Variants in NPIPA5 observed in about 807,000 individuals in gnomAD.
NPIPA5 encodes nuclear pore complex interacting protein family member A5, also known as nuclear pore complex-interacting protein family member A5.
In NPIPA5, 6 loss-of-function variants were observed where a neutral mutation model predicts 21.4. The ratio of observed to expected loss-of-function variants is 0.28; its 90% CI spans 0.15 to 0.55. The LOEUF (loss-of-function observed/expected upper bound fraction) is 0.55. Ranked by LOEUF, NPIPA5 falls within the 20% of genes least tolerant of loss-of-function variation. The probability of loss-of-function intolerance (pLI) is 0.93; values close to 1 mark genes in which losing one functional copy is unlikely to be tolerated. For missense variants in NPIPA5, 99 were observed against 318.2 expected (o/e 0.31, Z 5.24); for synonymous variants, 33 against 115.3 (o/e 0.29, Z 4.57).
chr16:15,375,495 G>T (rs1275150014), intron 1 of NPIPA5, among the ~76,000 whole-genome samples: 1 of 151,554 alleles, frequency 6.6e-6, no homozygotes, highest in Non-Finnish European at 1.5e-5. Context: ...TGCAATCCCA[G>T]CACTTTGGGA....
At chr16:15,376,241 G>A (rs1366486650) in intron 1 of NPIPA5, among the ~76,000 whole-genome samples, 17 of 146,194 alleles carry the variant, frequency 1.2e-4, no homozygotes, top group Admixed American at 4.9e-4. Flanking sequence ...TAATAGTGTA[G>A]ATCTTGGCTG....
chr16:15,370,584 T>C lies in NPIPA5; in HGVS notation c.193-465A>G, dbSNP rs574553795. On this transcript the variant is annotated intron_variant, in intron 2 of 7. Transcript: ENST00000360151. ...CTCACCAACATGGAGAAACGCTGTC[T>C]CTGCTAAAAATACAAAATTAGCCAG... Among the ~76,000 whole-genome samples the C allele has an allele frequency of 4.9e-4, 70 of 143,486 alleles. 3 individuals carry two copies. The highest frequency in any genetic ancestry group is 1.6e-3 in the African/African-American group (65 of 39,408). The allele number at this position is 143,486 out of a possible 152,430, so 94.1% of individuals were successfully genotyped here.
At chr16:15,380,476 C>T (rs1598412196), upstream of NPIPA5, among the ~76,000 whole-genome samples, 3 of 152,070 alleles carry the variant, frequency 2.0e-5, no homozygotes, top group South Asian at 4.2e-4. Flanking sequence ...GCTGACACCA[C>T]CATGCCCGGC....
At chr16:15,376,117 A>G (rs1000929824) in intron 1 of NPIPA5, among the ~76,000 whole-genome samples, 19 of 152,086 alleles carry the variant, frequency 1.2e-4, no homozygotes, top group African/African-American at 4.3e-4. Flanking sequence ...GACACAAAAG[A>G]GTACCTATGG....
At chr16:15,367,395 A>G (rs1487417023) in intron 4 of NPIPA5, among the ~76,000 whole-genome samples, 1 of 152,274 alleles carries the variant, frequency 6.6e-6, no homozygotes, top group South Asian at 2.1e-4. Context: ...ATTAGAAATG[A>G]TGGGAATGGC....
chr16:15,370,951 G>A (rs529782940), intron 2 of NPIPA5, among the ~76,000 whole-genome samples: 1,998 of 129,952 alleles, frequency 0.015, 86 homozygotes, highest in East Asian at 0.063. Flanking sequence ...GGAGGCTGAG[G>A]CAGGAGAACT....
Position 15,363,720 on chromosome 16 carries a change from G to T in NPIPA5, c.992C>A (p.Pro331His). The change falls in exon 8 of 8, where the codon CCT becomes CAT. Residue 331 changes from proline to histidine, a missense_variant. Physicochemically the swap from Pro to His is moderately conservative, Grantham distance 77. Coordinates refer to ENST00000360151, the MANE Select transcript of NPIPA5 (RefSeq NM_001277325.2). ...PPSADDNLKT[P>H]PECVCSLPFH... The stretch of plus-strand genomic sequence containing the variant: ...GGGGAGTGAGCAGACACACTCGGGA[G>T]GTGTCTTGAGATTATCATCCGCTGA... The T allele has an allele frequency of 1.4e-6, 2 of 1,417,742 alleles. No individual in the cohort carries two copies. Among genetic ancestry groups the T allele is most frequent in the South Asian group, 1.2e-5 (1 of 82,924 alleles). 87.8% of individuals were successfully genotyped at this position (1,417,742 alleles called of 1,614,324 possible). A position where few individuals can be genotyped will look rare whatever the true frequency, so the allele number is the denominator to read the frequency against.
chr16:15,375,395 T>A (rs1166807045), intron 1 of NPIPA5, among the ~76,000 whole-genome samples: 1 of 125,254 alleles, frequency 8.0e-6, no homozygotes, highest in Admixed American at 8.6e-5. Flanking sequence ...AAAAAAAAAA[T>A]ACAATGAAGA....
Position 15,363,676 on chromosome 16 carries a change from T to A in NPIPA5, c.1036A>T (p.Ile346Leu), listed in dbSNP as rs2150839554. 1 of 1,505,428 alleles carries A rather than the reference T, an allele frequency of 6.6e-7. No homozygotes were observed. Among genetic ancestry groups the A allele is most frequent in the Admixed American group, 2.0e-5 (1 of 50,724 alleles). The allele number at this position is 1,505,428 out of a possible 1,614,324, so 93.3% of individuals were successfully genotyped here. A position where few individuals can be genotyped will look rare whatever the true frequency, so the allele number is the denominator to read the frequency against. ...CSLPFHPQRM[I>L]ISRN ...ATTCTTCATTAGTTTCTTGAGATTA[T>A]CATCCGCTGAGGGTGGAAGGGGAGT... The change falls in exon 8 of 8, where the codon ATA (isoleucine) becomes TTA (leucine). Residue 346 changes from isoleucine (I) to leucine (L), a missense_variant. Ile to Leu is a conservative substitution (Grantham distance 5). Coordinates refer to ENST00000360151, the MANE Select transcript of NPIPA5 (RefSeq NM_001277325.2).
chr16:15,368,314 G>A (rs1009818850), intron 4 of NPIPA5, among the ~76,000 whole-genome samples: 2 of 151,574 alleles, frequency 1.3e-5, no homozygotes, highest in African/African-American at 4.8e-5. Flanking sequence ...CCTGGCCTTT[G>A]TAGGGACTGA....
chr16:15,375,784 A>C (rs1300463781), intron 1 of NPIPA5, among the ~76,000 whole-genome samples: 1 of 151,156 alleles, frequency 6.6e-6, no homozygotes, highest in Non-Finnish European at 1.5e-5. Context: ...GATCATGAAA[A>C]TGGCATGAAT....
rs550131047 is a variant in NPIPA5, at chr16:15,363,981, C to T, written c.731G>A (p.Gly244Asp). 742 of 1,588,270 alleles carry T rather than the reference C, an allele frequency of 4.7e-4. 35 individuals carry two copies. In the South Asian group the frequency reaches 7.8e-3, roughly 17 times the overall value. The change falls in exon 8 of 8, where the codon GGC becomes GAC. Residue 244 changes from glycine (G) to aspartate (D), a missense_variant. Transcript: ENST00000360151. ...LTAETLKNRMGHQPPPPTQQH... is the reference protein window; with the variant it reads ...LTAETLKNRMDHQPPPPTQQH... The stretch of plus-strand genomic sequence containing the variant: ...TTGAGTTGGAGGAGGTGGCTGGTGG[C>T]CCATCCTGTTTTTTAAAGTTTCAGC...
intron 1 of NPIPA5, among the ~76,000 whole-genome samples, chr16:15,374,201 T>C (rs2050228684): frequency 6.6e-6 from 1 of 151,248 alleles, no homozygotes; most frequent in Admixed American, 6.6e-5. Flanking sequence ...AAAAATTTTT[T>C]TTTTTTTTTT....
intron 2 of NPIPA5, among the ~76,000 whole-genome samples, chr16:15,370,599 A>G (rs894372445): frequency 1.4e-5 from 2 of 143,804 alleles, no homozygotes; most frequent in Non-Finnish European, 3.0e-5. Flanking sequence ...TAAAAATACA[A>G]AATTAGCCAG....
chr16:15,377,692 A>G (rs2050342113), intron 1 of NPIPA5, among the ~76,000 whole-genome samples: 2 of 88,736 alleles, frequency 2.3e-5, no homozygotes, highest in Non-Finnish European at 2.3e-5. Context: ...GGGAAGGGAA[A>G]GGAGGAGAAG....
Position 15,373,818 on chromosome 16 carries a change from C to G in NPIPA5, c.89G>C (p.Arg30Pro), listed in dbSNP as rs767191145. 1 of 65,254 alleles carries G rather than the reference C, an allele frequency of 1.5e-5. No homozygotes were observed. Among genetic ancestry groups the G allele is most frequent in the Non-Finnish European group, 2.5e-5 (1 of 39,514 alleles). The allele number at this position is 65,254 out of a possible 1,614,324, so 4.0% of individuals were successfully genotyped here. Residue 30 changes from arginine (R) to proline (P), a missense_variant, in exon 2 of 8, where the codon CGT (arginine) becomes CCT (proline). By Grantham distance (103) the Arg-to-Pro change is moderately radical. This residue lies in a region of NPIPA5 where 0 missense variants were observed against 51.3 expected (regional missense o/e 0.00). Coordinates refer to ENST00000360151, the MANE Select transcript of NPIPA5 (RefSeq NM_001277325.2). ...TCCACCAAAGTCAGTCCCACGATGACGATGGTCAGCCAGAGTATTGATAAC... is the reference window on the plus strand; with the variant it reads ...TCCACCAAAGTCAGTCCCACGATGAGGATGGTCAGCCAGAGTATTGATAAC... ...AWVINTLADH[R>P]HRGTDFGGSP...
chr16:15,370,940 C>G (rs62037829), intron 2 of NPIPA5, among the ~76,000 whole-genome samples: 23 of 128,116 alleles, frequency 1.8e-4, no homozygotes, highest in African/African-American at 5.6e-4. Flanking sequence ...CCAGCTACTC[C>G]GGAGGCTGAG....
chr16:15,379,685 C>T (rs1463512390), upstream of NPIPA5, among the ~76,000 whole-genome samples: 17 of 152,042 alleles, frequency 1.1e-4, no homozygotes, highest in African/African-American at 2.9e-4. Context: ...TGGTGGCTCA[C>T]GCCTGTAATC....
chr16:15,374,237 C>T (rs927649798), intron 1 of NPIPA5, among the ~76,000 whole-genome samples: 19 of 150,108 alleles, frequency 1.3e-4, no homozygotes, highest in African/African-American at 3.9e-4. Flanking sequence ...TCCACTCAGT[C>T]GCCCAGGCTG....
Sources: allele counts gnomAD v4.1 joint callset (sites outside exome capture counted in the v4.1 genomes callset), GRCh38; gene constraint gnomAD v4.1.1; regional missense constraint gnomAD v4.1.1; transcripts MANE v1.5; gene names NCBI Gene and HGNC (gene_info 2026-07-23, HGNC 2026-07-21).